Variants in RASSF6 observed in about 807,000 individuals in gnomAD.
The protein encoded by RASSF6 is ras association domain-containing protein 6.
RASSF6 carries 52 observed loss-of-function variants against 44.0 expected under a neutral mutation model. The ratio of observed to expected loss-of-function variants is 1.18; its 90% CI spans 0.95 to 1.49. RASSF6 has a LOEUF of 1.49. Among genes scored for constraint, RASSF6 ranks in the 40% most tolerant of loss-of-function variants. RASSF6 has a pLI of 0.00. For synonymous variants in RASSF6, 162 were observed against 124.6 expected (o/e 1.30, Z -2.00); for missense variants, 464 against 393.3 (o/e 1.18, Z -1.52).
chr4:73,617,700 G>T (rs931354732), intron 1 of RASSF6, among the ~76,000 whole-genome samples: 3 of 152,140 alleles, frequency 2.0e-5, no homozygotes, highest in Non-Finnish European at 4.4e-5. Context: ...GAAAGCAGTG[G>T]TATTAGTTAA....
At chr4:73,616,227 A>C (rs999525670) in intron 1 of RASSF6, among the ~76,000 whole-genome samples, 1 of 138,684 alleles carries the variant, frequency 7.2e-6, no homozygotes, top group Non-Finnish European at 1.6e-5. Flanking sequence ...ATCTATATCT[A>C]TCTATCTATC....
chr4:73,620,445 G>T, upstream of RASSF6: 1 of 1,547,522 alleles, frequency 6.5e-7, no homozygotes, highest in Admixed American at 2.0e-5. Flanking sequence ...TCACCTGTAG[G>T]GGAGGTCCGA....
rs2149378132 is a variant in RASSF6, at chr4:73,591,205, G to A, written c.287+2246C>T. Among the ~76,000 whole-genome samples the A allele has an allele frequency of 2.0e-5, 3 of 152,094 alleles. No individual in the cohort carries two copies. The Middle Eastern group carries it at 0.01, about 517-fold the overall frequency. On this transcript the variant is annotated intron_variant, in intron 4 of 10. Transcript: ENST00000307439. ...ATTGATATGTTAATTAGCCTGTTTGGTTCATTCTGCAATGTACATATGCAT... is the reference window on the plus strand; with the variant it reads ...ATTGATATGTTAATTAGCCTGTTTGATTCATTCTGCAATGTACATATGCAT...
At chr4:73,589,521 A>G (rs1724360952) in intron 4 of RASSF6, among the ~76,000 whole-genome samples, 1 of 152,076 alleles carries the variant, frequency 6.6e-6, no homozygotes, top group African/African-American at 2.4e-5. Context: ...CAGACGTGAC[A>G]GCTTAGTTTT....
At chr4:73,615,786 T>G (rs895561320) in intron 1 of RASSF6, 1 of 874,288 alleles carries the variant, frequency 1.1e-6, no homozygotes, top group Admixed American at 2.1e-5. Context: ...GGATGGAGCC[T>G]GAGGAGGCAG....
intron 6 of RASSF6, among the ~76,000 whole-genome samples, chr4:73,583,866 A>G (rs1723864895): frequency 6.6e-6 from 1 of 152,164 alleles, no homozygotes; most frequent in Non-Finnish European, 1.5e-5. Flanking sequence ...GCAAGAATGT[A>G]AAACCAGGCT....
chr4:73,581,999 C>A, intron 7 of RASSF6, 131 bp from the exon 8 acceptor site: 1 of 716,444 alleles, frequency 1.4e-6, no homozygotes. Context: ...CTTCTCTGCT[C>A]TTATGGGAAT....
intron 1 of RASSF6, among the ~76,000 whole-genome samples, chr4:73,612,327 T>C (rs1275041162): frequency 6.6e-6 from 1 of 152,172 alleles, no homozygotes; most frequent in Admixed American, 6.5e-5. Flanking sequence ...TTCATATAAA[T>C]GGCATTAGGG....
intron 8 of RASSF6, among the ~76,000 whole-genome samples, chr4:73,579,741 G>A (rs540912239): frequency 2.0e-5 from 3 of 151,750 alleles, no homozygotes; most frequent in East Asian, 1.9e-4. Flanking sequence ...CTTTTAAATT[G>A]TTACACAGTC....
rs1455361779 is a variant in RASSF6, at chr4:73,593,565, C to G, written c.173G>C (p.Gly58Ala). Residue 58 changes from glycine (G) to alanine (A), a missense_variant, in exon 4 of 11, where the codon GGA (glycine) becomes GCA (alanine). By Grantham distance (60) the Gly-to-Ala change is moderately conservative. Coordinates refer to ENST00000307439, the MANE Select transcript of RASSF6 (RefSeq NM_177532.5). ...TACTCCCCAGAAAATGTCCAGCATT[C>G]CTTCAACAATTAGTTTGCCATCTTC... is the stretch of plus-strand genomic sequence containing the variant. ...ETEDGKLIVE[G>A]MLDIFWGVKR... 5 of 1,613,350 alleles carry G rather than the reference C, an allele frequency of 3.1e-6. No individual in the cohort carries two copies. Among genetic ancestry groups the G allele is most frequent in the Non-Finnish European group, 4.2e-6 (5 of 1,179,732 alleles).
At chr4:73,582,028 A>T (rs1723693216) in intron 7 of RASSF6, among the ~76,000 whole-genome samples, 160 bp from the exon 8 acceptor site, 1 of 152,114 alleles carries the variant, frequency 6.6e-6, no homozygotes, top group Non-Finnish European at 1.5e-5. Flanking sequence ...TTTTCAAGGG[A>T]TAGTTACTAA....
chr4:73,580,223 T>A lies in RASSF6; in HGVS notation c.721+1594A>T, dbSNP rs983263855. On this transcript the variant is annotated intron_variant, in intron 8 of 10. Coordinates refer to ENST00000307439, the MANE Select transcript of RASSF6 (RefSeq NM_177532.5). ...GAACTCATCATTTTTTATGGATGCATAGTATTCCATGGTGTATATGTGCCA... is the reference window on the plus strand; with the variant it reads ...GAACTCATCATTTTTTATGGATGCAAAGTATTCCATGGTGTATATGTGCCA... Among the ~76,000 whole-genome samples, 91 of 151,832 alleles carry A rather than the reference T, an allele frequency of 6.0e-4. 1 individual carries two copies. The highest frequency in any genetic ancestry group is 9.3e-4 in the Non-Finnish European group (63 of 68,012).
At chr4:73,600,590 T>C (rs746449951) in intron 2 of RASSF6, among the ~76,000 whole-genome samples, 1 of 152,198 alleles carries the variant, frequency 6.6e-6, no homozygotes, top group African/African-American at 2.4e-5. Context: ...ATACTGAATA[T>C]TGAATGACAG....
Position 73,611,730 on chromosome 4 carries a change from C to T in RASSF6, c.65+1G>A, listed in dbSNP as rs1305141853. On this transcript the variant is annotated splice_donor_variant, in intron 2 of 10. Transcript: ENST00000307439. LOFTEE classifies it high-confidence loss of function. The stretch of plus-strand genomic sequence containing the variant: ...ATGTATAATATAAGGTGTGTGGTTA[C>T]CTGGTTATGAATGTCTTCTCATTAA... The T allele has an allele frequency of 6.3e-7, 1 of 1,590,922 alleles. No homozygotes were observed. The highest frequency in any genetic ancestry group is 8.6e-7 in the Non-Finnish European group (1 of 1,159,748).
chr4:73,606,534 GGGAAT>G (rs1725649722), intron 2 of RASSF6, among the ~76,000 whole-genome samples: 1 of 152,116 alleles, frequency 6.6e-6, no homozygotes, highest in Admixed American at 6.5e-5. Flanking sequence ...ATAGAGACAA[GGGAAT>G]GGAGCAATTA....
chr4:73,613,126 AT>A (rs1726137371), intron 1 of RASSF6, among the ~76,000 whole-genome samples: 2 of 152,142 alleles, frequency 1.3e-5, no homozygotes, highest in African/African-American at 4.8e-5. Flanking sequence ...TTATTGATTT[AT>A]ACCTTACTTT....
intron 6 of RASSF6, among the ~76,000 whole-genome samples, chr4:73,582,515 T>C (rs960327429): frequency 6.6e-6 from 1 of 152,180 alleles, no homozygotes; most frequent in Admixed American, 6.6e-5. Context: ...CATTTGAGGA[T>C]GCTTATAACA....
Position 73,576,752 on chromosome 4 carries a change from A to G in RASSF6, c.722-21T>C, listed in dbSNP as rs764582816. Reference sequence around the variant, plus strand: ...TTGTTCTGCAGTGAAAACAAGAATCAACCACAATCAGAAGTTCATGCTGCA... The same window carrying G: ...TTGTTCTGCAGTGAAAACAAGAATCGACCACAATCAGAAGTTCATGCTGCA... On this transcript the variant is annotated intron_variant, in intron 8 of 10. Coordinates refer to ENST00000307439, the MANE Select transcript of RASSF6 (RefSeq NM_177532.5). 4.4e-6 allele frequency: 6 copies of G among 1,377,996 alleles called. No homozygotes were observed. The African/African-American group carries it at 8.6e-5, about 20-fold the overall frequency. 85.4% of individuals were successfully genotyped at this position (1,377,996 alleles called of 1,614,324 possible). A position where few individuals can be genotyped will look rare whatever the true frequency, so the allele number is the denominator to read the frequency against.
chr4:73,597,143 G>A (rs1318152287), intron 3 of RASSF6, among the ~76,000 whole-genome samples: 2 of 152,156 alleles, frequency 1.3e-5, no homozygotes, highest in African/African-American at 4.8e-5. Flanking sequence ...AAACTAAAGA[G>A]CTTCTGTACA....
Sources: allele counts gnomAD v4.1 joint callset (sites outside exome capture counted in the v4.1 genomes callset), GRCh38; gene constraint gnomAD v4.1.1; transcripts MANE v1.5; gene names NCBI Gene and HGNC (gene_info 2026-07-23, HGNC 2026-07-21).